CSMD1: variants seen among roughly 807,000 people sequenced by gnomAD.
The protein encoded by CSMD1 is CUB and sushi domain-containing protein 1.
Under a neutral mutation model 417.5 loss-of-function variants are expected in CSMD1, and 213 were observed. The observed-to-expected ratio is 0.51, with a 90% CI of 0.46 to 0.57. CSMD1 has a LOEUF of 0.57. Ranked by LOEUF, CSMD1 falls within the 20% of genes least tolerant of loss-of-function variation. CSMD1 has a pLI of 0.00. For synonymous variants in CSMD1, 2,862 were observed against 1,736.8 expected, an observed-to-expected ratio of 1.65 and a Z score of -16.11; for missense variants, 6,923 against 4,529.7, an observed-to-expected ratio of 1.53 and a Z score of -15.17.
chr8:2,967,457 C>T (rs886713676), intron 57 of CSMD1, among the ~76,000 whole-genome samples: 10 of 152,310 alleles, frequency 6.6e-5, no homozygotes, highest in South Asian at 6.2e-4. Context: ...CTATTTTTTA[C>T]GCTCTTTAGT....
At position 3,928,834 on chromosome 8, in the gene CSMD1, T is replaced by C. The variant is rs770818064; in HGVS notation, c.818+69069A>G. ...TCCCAGCGATTCCACCTACCCCAGGTCATGCTGTCACTATACAAGGGTAGG... is the reference window on the plus strand; with the variant it reads ...TCCCAGCGATTCCACCTACCCCAGGCCATGCTGTCACTATACAAGGGTAGG... On this transcript the variant is annotated intron_variant, in intron 5 of 69. Transcript: ENST00000635120. 1.8e-4 allele frequency among the ~76,000 whole-genome samples: 21 copies of C among 117,310 alleles called. 1 individual carries two copies. Among genetic ancestry groups the C allele is most frequent in the Non-Finnish European group, 3.0e-4 (18 of 60,924 alleles). 77.0% of individuals were successfully genotyped at this position (117,310 alleles called of 152,430 possible). A position where few individuals can be genotyped will look rare whatever the true frequency, so the allele number is the denominator to read the frequency against.
At chr8:2,975,208 C>G (rs577201183) in intron 55 of CSMD1, among the ~76,000 whole-genome samples, 2 of 152,042 alleles carry the variant, frequency 1.3e-5, no homozygotes, top group African/African-American at 4.8e-5. Flanking sequence ...ATAAAATAAT[C>G]TCATTATTTC....
chr8:3,644,396 C>T (rs1328983501), intron 7 of CSMD1, among the ~76,000 whole-genome samples: 1 of 152,150 alleles, frequency 6.6e-6, no homozygotes, highest in Admixed American at 6.5e-5. Context: ...TGGAGAAGCC[C>T]TGGAAGCCTC....
chr8:4,770,414 A>T (rs1416536982), intron 1 of CSMD1, among the ~76,000 whole-genome samples: 6 of 150,018 alleles, frequency 4.0e-5, no homozygotes, highest in African/African-American at 1.5e-4. Flanking sequence ...TATATTTCCT[A>T]ATTCTTATCA....
At chr8:3,571,557 C>G (rs927027778) in intron 10 of CSMD1, among the ~76,000 whole-genome samples, 1 of 152,070 alleles carries the variant, frequency 6.6e-6, no homozygotes, top group East Asian at 1.9e-4. Context: ...GGCGTCATCT[C>G]TCTCTCTCCT....
intron 5 of CSMD1, among the ~76,000 whole-genome samples, chr8:3,978,234 C>T (rs946382982): frequency 6.6e-6 from 1 of 152,172 alleles, no homozygotes; most frequent in Non-Finnish European, 1.5e-5. Flanking sequence ...TTCCCAGCGC[C>T]TGGCAGCCTC....
At chr8:3,754,386 G>A (rs1293061999) in intron 5 of CSMD1, among the ~76,000 whole-genome samples, 1 of 151,986 alleles carries the variant, frequency 6.6e-6, no homozygotes, top group Non-Finnish European at 1.5e-5. Context: ...AAAGAAATAG[G>A]AAAATGATAA....
At chr8:3,425,109 C>T (rs372832847) in intron 12 of CSMD1, among the ~76,000 whole-genome samples, 5 of 152,152 alleles carry the variant, frequency 3.3e-5, no homozygotes, top group African/African-American at 1.2e-4. Flanking sequence ...CAAAGCGCCA[C>T]CATGCTTGTC....
chr8:3,878,665 T>G (rs1368294983), intron 5 of CSMD1, among the ~76,000 whole-genome samples: 1 of 152,224 alleles, frequency 6.6e-6, no homozygotes, highest in Non-Finnish European at 1.5e-5. Context: ...ATAAGTAGTT[T>G]CATATTCAAC....
chr8:4,686,891 G>C (rs551951729), intron 1 of CSMD1, among the ~76,000 whole-genome samples: 7 of 152,340 alleles, frequency 4.6e-5, no homozygotes, highest in African/African-American at 1.7e-4. Flanking sequence ...CCCAAGACCA[G>C]ACAGAGGTGG....
chr8:3,864,443 A>G lies in CSMD1; in HGVS notation c.819-110401T>C, dbSNP rs116330436. 8.2e-3 allele frequency among the ~76,000 whole-genome samples: 1,255 copies of G among 152,326 alleles called. 19 individuals are homozygous for G. The highest frequency in any genetic ancestry group is 0.028 in the African/African-American group (1,156 of 41,566). On this transcript the variant is annotated intron_variant, in intron 5 of 69. Coordinates refer to ENST00000635120, the MANE Select transcript of CSMD1 (RefSeq NM_033225.6). ...TGAGAAGAAAGGAATACAGTATGAG[A>G]AGGGGTTAAGGAAAAGAGGGAGGAA...
intron 5 of CSMD1, among the ~76,000 whole-genome samples, chr8:3,799,336 T>G (rs1195059149): frequency 6.6e-6 from 1 of 151,400 alleles, no homozygotes; most frequent in East Asian, 2.0e-4. Context: ...CATGCTGGTG[T>G]GCTGCACCCA....
intron 18 of CSMD1, among the ~76,000 whole-genome samples, chr8:3,377,940 T>A (rs193074763): frequency 1.9e-4 from 29 of 152,324 alleles, no homozygotes; most frequent in Non-Finnish European, 4.4e-5. Context: ...TGGAGCTGAA[T>A]ATTAAAAGAA....
At chr8:4,279,736 C>T (rs966600889) in intron 3 of CSMD1, among the ~76,000 whole-genome samples, 1 of 152,096 alleles carries the variant, frequency 6.6e-6, no homozygotes, top group Middle Eastern at 3.2e-3. Flanking sequence ...TTCAATGCAG[C>T]ATTTCTAATG....
intron 37 of CSMD1, among the ~76,000 whole-genome samples, chr8:3,177,011 C>T (rs571100178): frequency 5.3e-5 from 8 of 152,000 alleles, no homozygotes; most frequent in Non-Finnish European, 7.4e-5. Flanking sequence ...CTTCTGGGCT[C>T]AAGCGATCCA....
chr8:3,546,466 T>A (rs2018954), intron 10 of CSMD1, among the ~76,000 whole-genome samples: 60,382 of 150,768 alleles, frequency 0.4, 12,376 homozygotes, highest in East Asian at 0.48. Flanking sequence ...AACCAGGGAG[T>A]CGGAGCTTGT....
intron 1 of CSMD1, among the ~76,000 whole-genome samples, chr8:4,925,856 C>T (rs1257826208): frequency 1.3e-5 from 2 of 152,050 alleles, no homozygotes; most frequent in Non-Finnish European, 1.5e-5. Context: ...CTCTATCTGG[C>T]ATTTTGTAAT....
intron 12 of CSMD1, among the ~76,000 whole-genome samples, chr8:3,456,481 A>C (rs542427037): frequency 6.6e-6 from 1 of 152,220 alleles, no homozygotes; most frequent in African/African-American, 2.4e-5. Flanking sequence ...TAGAAAATGC[A>C]TAACACTGAA....
intron 2 of CSMD1, among the ~76,000 whole-genome samples, chr8:4,461,133 CAATAA>C (rs1230087569): frequency 6.9e-6 from 1 of 145,940 alleles, no homozygotes; most frequent in Non-Finnish European, 1.5e-5. Flanking sequence ...TGTGCCATAA[CAATAA>C]AATAAAGTCA....
Sources: allele counts gnomAD v4.1 joint callset (sites outside exome capture counted in the v4.1 genomes callset), GRCh38; gene constraint gnomAD v4.1.1; transcripts MANE v1.5; gene names NCBI Gene and HGNC (gene_info 2026-07-23, HGNC 2026-07-21).